The following PHACTR1 variants were observed in gnomAD, a reference collection of about 807,000 sequenced individuals.
PHACTR1 encodes phosphatase and actin regulator 1, also known as RPEL repeat containing 1.
In PHACTR1, 16 loss-of-function variants were observed where a neutral mutation model predicts 69.2. That is an observed-to-expected ratio of 0.23 (90% confidence interval 0.16 to 0.35). PHACTR1 has a LOEUF of 0.35. Ranked by LOEUF, PHACTR1 falls within the 10% of genes least tolerant of loss-of-function variation. The pLI is 1.00. For missense variants in PHACTR1, 510 were observed against 734.7 expected (o/e 0.69, Z 3.54); for synonymous variants, 312 against 284.5 (o/e 1.10, Z -0.97).
chr6:13,099,359 T>C (rs1292137155), intron 5 of PHACTR1, among the ~76,000 whole-genome samples: 1 of 152,234 alleles, frequency 6.6e-6, no homozygotes, highest in Non-Finnish European at 1.5e-5. Context: ...GTCTTACACA[T>C]TCCTGGCATG....
intron 3 of PHACTR1, among the ~76,000 whole-genome samples, chr6:12,744,707 T>A (rs1765545784): frequency 6.6e-6 from 1 of 152,122 alleles, no homozygotes; most frequent in East Asian, 1.9e-4. Context: ...GAATAGCTAT[T>A]CCATAGGCAG....
intron 5 of PHACTR1, among the ~76,000 whole-genome samples, chr6:13,097,565 T>G (rs1265645033): frequency 2.0e-5 from 3 of 152,174 alleles, no homozygotes; most frequent in Non-Finnish European, 4.4e-5. Flanking sequence ...GGAAACTAAT[T>G]TAAAGCCGAA....
intron 4 of PHACTR1, among the ~76,000 whole-genome samples, chr6:12,880,604 C>T (rs1782996132): frequency 6.6e-6 from 1 of 151,936 alleles, no homozygotes; most frequent in African/African-American, 2.4e-5. Context: ...ACAGGTGTAC[C>T]CACAAAGAGT....
At chr6:12,861,415 G>A (rs950994749) in intron 4 of PHACTR1, among the ~76,000 whole-genome samples, 1 of 152,150 alleles carries the variant, frequency 6.6e-6, no homozygotes, top group Non-Finnish European at 1.5e-5. Context: ...CTTAGACTAG[G>A]ACATCCCATA....
At chr6:12,723,099 G>A (rs1437608230) in intron 3 of PHACTR1, among the ~76,000 whole-genome samples, 2 of 152,128 alleles carry the variant, frequency 1.3e-5, no homozygotes, top group East Asian at 3.9e-4. Context: ...GAGATTTTTA[G>A]GTTAAAATGG....
chr6:12,724,633 CA>C (rs897156106), intron 3 of PHACTR1, among the ~76,000 whole-genome samples: 2 of 152,182 alleles, frequency 1.3e-5, no homozygotes, highest in African/African-American at 4.8e-5. Flanking sequence ...TTAGACTGAT[CA>C]AATCAACCCC....
chr6:13,251,381 G>A (rs1346422554), intron 10 of PHACTR1, among the ~76,000 whole-genome samples: 2 of 152,226 alleles, frequency 1.3e-5, no homozygotes, highest in African/African-American at 4.8e-5. Flanking sequence ...GGACATTACG[G>A]TCACGGGTGC....
rs144432072 is a variant in PHACTR1 at position 12,814,648 on chromosome 6, A to G, written c.250+64858A>G. Among the ~76,000 whole-genome samples, 491 of 152,222 alleles carry G rather than the reference A, an allele frequency of 3.2e-3. 7 individuals carry two copies. The highest frequency in any genetic ancestry group is 5.7e-4 in the Non-Finnish European group (39 of 68,020). On this transcript the variant is annotated intron_variant, in intron 4 of 14. Transcript: ENST00000332995. Reference sequence around the variant, plus strand: ...CTGTATTATACCTCTGCCATATTATATATTGCCTCCTAGAGAAAGCCATCA... The same window carrying G: ...CTGTATTATACCTCTGCCATATTATGTATTGCCTCCTAGAGAAAGCCATCA...
chr6:13,226,972 G>A (rs958478410), intron 8 of PHACTR1, among the ~76,000 whole-genome samples: 6 of 152,030 alleles, frequency 3.9e-5, no homozygotes, highest in Admixed American at 6.5e-5. Context: ...TCTTGACCCC[G>A]TGATCCACCT....
chr6:13,282,299 G>A (rs1214443121), intron 12 of PHACTR1, among the ~76,000 whole-genome samples: 1 of 152,190 alleles, frequency 6.6e-6, no homozygotes, highest in African/African-American at 2.4e-5. Flanking sequence ...GAGCAACTGT[G>A]TTGCTCCAGG....
chr6:13,200,279 C>T (rs747905515), intron 7 of PHACTR1, among the ~76,000 whole-genome samples: 5 of 152,008 alleles, frequency 3.3e-5, no homozygotes, highest in Non-Finnish European at 7.4e-5. Flanking sequence ...GGCACAATCT[C>T]GGCTCACTGC....
At chr6:12,924,331 A>G (rs1260798407) in intron 4 of PHACTR1, among the ~76,000 whole-genome samples, 2 of 152,220 alleles carry the variant, frequency 1.3e-5, no homozygotes, top group African/African-American at 2.4e-5. Context: ...AATGCAAACA[A>G]CAATTCAAGC....
intron 4 of PHACTR1, among the ~76,000 whole-genome samples, chr6:12,980,825 T>C (rs1273529135): frequency 6.6e-6 from 1 of 152,250 alleles, no homozygotes; most frequent in East Asian, 1.9e-4. Context: ...CTCTCCTTAG[T>C]CATATTTTCA....
chr6:12,982,216 T>C (rs1795605813), intron 4 of PHACTR1, among the ~76,000 whole-genome samples: 2 of 152,184 alleles, frequency 1.3e-5, no homozygotes, highest in Non-Finnish European at 2.9e-5. Context: ...TGGCCCCTCC[T>C]GGCAGCTCTC....
At chr6:13,125,257 G>T (rs1486873542) in intron 5 of PHACTR1, among the ~76,000 whole-genome samples, 1 of 152,228 alleles carries the variant, frequency 6.6e-6, no homozygotes. Flanking sequence ...GGCAGTCTTA[G>T]ATGGTTTTAG....
intron 4 of PHACTR1, among the ~76,000 whole-genome samples, chr6:13,042,055 G>A (rs901660504): frequency 3.3e-5 from 5 of 152,248 alleles, no homozygotes; most frequent in Middle Eastern, 3.4e-3. Context: ...AATTAAGTTT[G>A]GAAAATAAAG....
intron 10 of PHACTR1, among the ~76,000 whole-genome samples, chr6:13,258,362 GAA>G (rs60311779): frequency 0.071 from 10,244 of 144,914 alleles, 680 homozygotes; most frequent in Admixed American, 0.22. Flanking sequence ...CTTAAAAAAA[GAA>G]AAAAAAAAAA....
At chr6:13,120,273 C>CT (rs970659763) in intron 5 of PHACTR1, among the ~76,000 whole-genome samples, 61 of 151,534 alleles carry the variant, frequency 4.0e-4, no homozygotes, top group African/African-American at 1.3e-3. Context: ...TCCTCCCCTC[C>CT]TTTTTTTTTC....
At position 13,082,504 on chromosome 6, in the gene PHACTR1, A is replaced by G. The variant is rs573943162; in HGVS notation, c.415+28975A>G. Among the ~76,000 whole-genome samples the G allele has an allele frequency of 4.7e-4, 71 of 152,184 alleles. 1 individual carries two copies. The highest frequency in any genetic ancestry group is 8.2e-4 in the Non-Finnish European group (56 of 68,030). On this transcript the variant is annotated intron_variant, in intron 5 of 14. Transcript: ENST00000332995. Reference sequence around the variant, plus strand: ...AGAAAAATGGTATTTCTAGTTCTAGATCCCTGAGGAATAGCCACACTGACT... The same window carrying G: ...AGAAAAATGGTATTTCTAGTTCTAGGTCCCTGAGGAATAGCCACACTGACT...
Sources: allele counts gnomAD v4.1 joint callset (sites outside exome capture counted in the v4.1 genomes callset), GRCh38; gene constraint gnomAD v4.1.1; transcripts MANE v1.5; gene names NCBI Gene and HGNC (gene_info 2026-07-23, HGNC 2026-07-21).